GRIP2: variants seen among roughly 807,000 people sequenced by gnomAD.
The protein encoded by GRIP2 is glutamate receptor-interacting protein 2.
A neutral mutation model predicts 108.3 loss-of-function variants in GRIP2; 58 were observed. The ratio of observed to expected loss-of-function variants is 0.54; its 90% CI spans 0.43 to 0.67. The LOEUF is 0.67. GRIP2 is among the 30% of genes least tolerant of loss of function. The probability of loss-of-function intolerance (pLI) is 0.00; values close to 1 mark genes in which losing one functional copy is unlikely to be tolerated. For synonymous variants in GRIP2, 586 were observed against 598.2 expected, an observed-to-expected ratio of 0.98 and a Z score of 0.30; for missense variants, 1,278 against 1,430.6, an observed-to-expected ratio of 0.89 and a Z score of 1.72.
chr3:14,573,717 G>T, the GRIP2 span: 1 of 1,421,284 alleles, frequency 7.0e-7, no homozygotes, highest in Non-Finnish European at 9.9e-7. Flanking sequence ...AATGTCTTCT[G>T]GCCACTCACG....
the GRIP2 span, among the ~76,000 whole-genome samples, chr3:14,588,253 C>T: frequency 6.6e-6 from 1 of 152,126 alleles, no homozygotes; most frequent in African/African-American, 2.4e-5. Context: ...TGTGGTTCAG[C>T]CTGGTTTATA....
intron 21 of GRIP2, among the ~76,000 whole-genome samples, chr3:14,499,257 G>A (rs933470319): frequency 2.0e-5 from 3 of 152,210 alleles, no homozygotes; most frequent in Non-Finnish European, 4.4e-5. Context: ...AAAGTGAGGA[G>A]CGATCTCACT....
In GRIP2 at chr3:14,521,850, A is replaced by G; in HGVS notation, c.567-63T>C. On this transcript the variant is annotated intron_variant, in intron 6 of 23. Coordinates refer to ENST00000621039, the MANE Select transcript of GRIP2 (RefSeq NM_001080423.4). The surrounding 1 kb of genome is among the most constrained non-coding windows in gnomAD (Gnocchi z 5.1). ...CAGCACTGGGCACAGCCTGTCTGGGAGGGCGCTGGGAAGCGGGACATGGAG... is the reference window on the plus strand; with the variant it reads ...CAGCACTGGGCACAGCCTGTCTGGGGGGGCGCTGGGAAGCGGGACATGGAG... The G allele has an allele frequency of 7.4e-7, 1 of 1,348,994 alleles. No homozygotes were observed. The highest frequency in any genetic ancestry group is 9.7e-7 in the Non-Finnish European group (1 of 1,027,374). The allele number at this position is 1,348,994 out of a possible 1,614,324, so 83.6% of individuals were successfully genotyped here. A position where few individuals can be genotyped will look rare whatever the true frequency, so the allele number is the denominator to read the frequency against.
the GRIP2 span, among the ~76,000 whole-genome samples, chr3:14,588,625 AC>A: frequency 6.6e-6 from 1 of 151,908 alleles, no homozygotes; most frequent in Admixed American, 6.6e-5. Flanking sequence ...CTGCCCACAA[AC>A]CCCTGGATAT....
At position 14,517,079 on chromosome 3, in the gene GRIP2, C is replaced by A; in HGVS notation, c.1291G>T (p.Glu431Ter). ...CACAGCTTACACGAGCTCTTGTGTTCCCTTCTTCGCTGCCTCCTCCGCCCC... is the reference window on the plus strand; with the variant it reads ...CACAGCTTACACGAGCTCTTGTGTTACCTTCTTCGCTGCCTCCTCCGCCCC... ...TMGRRRQRRR[E>*]HKSSLSLASS... is the part of the protein sequence containing the mutation. Residue 431 changes from glutamate (E) to a stop codon, truncating the protein, a stop_gained, in exon 11 of 24, where the codon GAA becomes TAA. Coordinates refer to ENST00000621039, the MANE Select transcript of GRIP2 (RefSeq NM_001080423.4). LOFTEE classifies it high-confidence loss of function. 1 of 1,587,160 alleles carries A rather than the reference C, an allele frequency of 6.3e-7. No individual in the cohort carries two copies. The highest frequency in any genetic ancestry group is 8.6e-7 in the Non-Finnish European group (1 of 1,167,630).
At chr3:14,585,553 C>T in the GRIP2 span, among the ~76,000 whole-genome samples, 3 of 152,114 alleles carry the variant, frequency 2.0e-5, no homozygotes, top group Non-Finnish European at 4.4e-5. Context: ...CTGGGCAGAG[C>T]CACCTTGTCC....
chr3:14,558,013 C>A (rs551756731), upstream of GRIP2, among the ~76,000 whole-genome samples: 2 of 152,146 alleles, frequency 1.3e-5, no homozygotes, highest in African/African-American at 4.8e-5. Context: ...GTGGTTATTC[C>A]GCATGGAGCC....
At chr3:14,545,758 C>T (rs1245901583), upstream of GRIP2, among the ~76,000 whole-genome samples, 2 of 152,224 alleles carry the variant, frequency 1.3e-5, no homozygotes, top group East Asian at 3.8e-4. Context: ...AGCATGTGGG[C>T]ACAGGGAGAT....
intron 5 of GRIP2, 197 bp downstream of exon 5, chr3:14,523,415 C>T: frequency 1.7e-6 from 1 of 588,038 alleles, no homozygotes; most frequent in Non-Finnish European, 3.0e-6. Context: ...CAACTTTCTC[C>T]TCTCACTCTC....
chr3:14,493,705 G>A lies in GRIP2; in HGVS notation c.3092C>T (p.Ala1031Val), dbSNP rs1167149670. ...ACTGCTGGGGCCTGGCGATCGGGGG[G>A]CCCGGCTGCTGTGTGCCGTGTGCGG... is the stretch of plus-strand genomic sequence containing the variant. Reference protein sequence around the residue: ...RKPHTAHSSRAPRSPGPSSPR... With the variant: ...RKPHTAHSSRVPRSPGPSSPR... Residue 1031 changes from alanine to valine, a missense_variant, in exon 24 of 24, where the codon GCC becomes GTC. Coordinates refer to ENST00000621039, the MANE Select transcript of GRIP2 (RefSeq NM_001080423.4). The A allele has an allele frequency of 3.1e-6, 5 of 1,608,608 alleles. No individual in the cohort carries two copies. In the African/African-American group the frequency reaches 5.3e-5, roughly 17 times the overall value.
rs552200566 is a variant in GRIP2 at position 14,547,838 on chromosome 3, G to C, written c.55+8062C>G. Among the ~76,000 whole-genome samples the C allele has an allele frequency of 2.0e-5, 3 of 152,374 alleles. No homozygotes were observed. The East Asian group carries it at 5.8e-4, about 29-fold the overall frequency. ...ATTAAGCATCCAATCTCAGGATGCAGTGGCCCCTCCCTGCCCTGTCCTAGA... is the reference window on the plus strand; with the variant it reads ...ATTAAGCATCCAATCTCAGGATGCACTGGCCCCTCCCTGCCCTGTCCTAGA... On this transcript the variant is annotated intron_variant, in intron 1 of 23. Coordinates refer to the GRIP2 transcript ENST00000637182.
At position 14,505,210 on chromosome 3, in the gene GRIP2, T is replaced by C. The variant is rs928458844; in HGVS notation, c.2573+405A>G. 1.3e-5 allele frequency among the ~76,000 whole-genome samples: 2 copies of C among 152,172 alleles called. No homozygotes were observed. Among genetic ancestry groups the C allele is most frequent in the East Asian group, 1.9e-4 (1 of 5,160 alleles). On this transcript the variant is annotated intron_variant, in intron 20 of 23. Transcript: ENST00000621039. This position sits in a 1 kb window ranked among gnomAD's most constrained non-coding sequence, Gnocchi z 4.2. ...CACAGCCTGCTCTCTGCAGGAGCCT[T>C]CTCCAGCGGCTCAGCCACTCGGCAC...
At chr3:14,579,084 GATGGATGA>G in the GRIP2 span, among the ~76,000 whole-genome samples, 1 of 152,158 alleles carries the variant, frequency 6.6e-6, no homozygotes, top group Non-Finnish European at 1.5e-5. Context: ...CCAACAAGTG[GATGGATGA>G]ACGCTCTGAG....
chr3:14,541,819 T>A (rs1694976376), upstream of GRIP2: 2 of 1,218,296 alleles, frequency 1.6e-6, no homozygotes, highest in African/African-American at 3.1e-5. Context: ...AGACCTGAAT[T>A]TAGTGGACAT....
rs766697549 is a variant in GRIP2 at position 14,507,655 on chromosome 3, G to A, written c.2124C>T (p.Asn708=). 48 of 1,613,910 alleles carry A rather than the reference G, an allele frequency of 3.0e-5. No homozygotes were observed. Among genetic ancestry groups the A allele is most frequent in the Admixed American group, 2.8e-4 (17 of 60,008 alleles). Reference sequence around the variant, plus strand: ...TCAGCGGCCGGCCCTTGAGGCTAACGTTGTTGATGGCCAGAATGCGGTCCC... The same window carrying A: ...TCAGCGGCCGGCCCTTGAGGCTAACATTGTTGATGGCCAGAATGCGGTCCC... ...HVGDRILAIN[N]VSLKGRPLSE... The change falls in exon 18 of 24, where the codon AAC becomes AAT. Residue 708 remains asparagine, a synonymous_variant. Transcript: ENST00000621039. The surrounding 1 kb of genome is among the most constrained non-coding windows in gnomAD (Gnocchi z 4.6).
chr3:14,576,242 G>A, the GRIP2 span, among the ~76,000 whole-genome samples: 1 of 152,224 alleles, frequency 6.6e-6, no homozygotes, highest in Admixed American at 6.5e-5. Context: ...AGCCTTCCAC[G>A]CAATTGGCGT....
chr3:14,541,513 G>T (rs1166468250), upstream of GRIP2, among the ~76,000 whole-genome samples: 1 of 152,230 alleles, frequency 6.6e-6, no homozygotes, highest in Admixed American at 6.5e-5. Context: ...AGTGACCCCA[G>T]CATGGAATTT....
the GRIP2 span, among the ~76,000 whole-genome samples, chr3:14,568,012 G>A: frequency 0.13 from 19,988 of 152,194 alleles, 1,683 homozygotes; most frequent in Middle Eastern, 0.22. Flanking sequence ...GCCCTGGTTT[G>A]AGGCCCAGCA....
chr3:14,555,917 A>G, exon 1 of GRIP2: 1 of 399,624 alleles, frequency 2.5e-6, no homozygotes, highest in Non-Finnish European at 4.4e-6. Context: ...ACGCCGCCTC[A>G]CCACGCCCAG....
Sources: gnomAD v4.1 joint callset for allele counts (sites outside exome capture counted in the v4.1 genomes callset) on GRCh38, gnomAD v4.1.1 for gene constraint, Gnocchi (gnomAD v3.1) non-coding constraint, MANE v1.5 for transcripts, NCBI Gene and HGNC (gene_info 2026-07-23, HGNC 2026-07-21) for gene names.